Variants in EIF4E3 observed in about 807,000 individuals in gnomAD.
The protein encoded by EIF4E3 is eukaryotic translation initiation factor 4E type 3.
Under a neutral mutation model 31.7 loss-of-function variants are expected in EIF4E3, and 26 were observed. The observed-to-expected ratio is 0.82, with a 90% CI of 0.60 to 1.14. EIF4E3 has a LOEUF of 1.14. Among genes scored for constraint, EIF4E3 ranks in the 50% most tolerant of loss-of-function variants. EIF4E3 has a pLI of 0.00. For synonymous variants in EIF4E3, 128 were observed against 107.7 expected (o/e 1.19, Z -1.17); for missense variants, 304 against 270.9 (o/e 1.12, Z -0.86).
chr3:71,687,635 G>T (rs1451310754), intron 6 of EIF4E3, among the ~76,000 whole-genome samples: 2 of 152,160 alleles, frequency 1.3e-5, no homozygotes, highest in African/African-American at 4.8e-5. Context: ...AGCAGAATTG[G>T]CCAGGGTGGG....
the EIF4E3 span, among the ~76,000 whole-genome samples, chr3:71,660,279 C>T: frequency 2.0e-5 from 3 of 151,658 alleles, no homozygotes; most frequent in East Asian, 5.8e-4. Context: ...GAGCAGGCTG[C>T]GGCTGCAGTT....
chr3:71,687,404 C>A (rs1578333073), intron 6 of EIF4E3, among the ~76,000 whole-genome samples: 1 of 152,214 alleles, frequency 6.6e-6, no homozygotes, highest in Non-Finnish European at 1.5e-5. Context: ...TATTTATGGA[C>A]ACTAAAATTT....
At chr3:71,706,377 C>G (rs1206309453) in intron 2 of EIF4E3, among the ~76,000 whole-genome samples, 3 of 152,086 alleles carry the variant, frequency 2.0e-5, no homozygotes, top group Non-Finnish European at 4.4e-5. Context: ...TGCTAAAGGG[C>G]CTCAAAGTAT....
chr3:71,682,958 A>C lies in EIF4E3; in HGVS notation c.*1724T>G, dbSNP rs2048941140. 1 of 152,270 alleles carries C rather than the reference A, an allele frequency of 6.6e-6. No homozygotes were observed. The highest frequency in any genetic ancestry group is 6.5e-5 in the Admixed American group (1 of 15,278). 9.4% of individuals were successfully genotyped at this position (152,270 alleles called of 1,614,324 possible). On this transcript the variant is annotated 3_prime_UTR_variant, in exon 7 of 7. Transcript: ENST00000425534. ...AATTCATGTCCAGAATAATTTTTTA[A>C]AATTCTTGAGTCATAATTTTAAAAC... is the stretch of plus-strand genomic sequence containing the variant.
intron 2 of EIF4E3, among the ~76,000 whole-genome samples, chr3:71,706,836 AT>A (rs2049300161): frequency 1.3e-5 from 2 of 152,238 alleles, no homozygotes; most frequent in South Asian, 4.1e-4. Context: ...AGAAAAAAAA[AT>A]TAATATACAA....
chr3:71,706,702 C>A (rs1322064078), intron 2 of EIF4E3, among the ~76,000 whole-genome samples: 1 of 151,994 alleles, frequency 6.6e-6, no homozygotes, highest in Non-Finnish European at 1.5e-5. Flanking sequence ...TGGCTATAGT[C>A]CCAGATACTT....
the EIF4E3 span, among the ~76,000 whole-genome samples, chr3:71,669,163 A>G: frequency 4.1e-4 from 62 of 150,032 alleles, 1 homozygote; most frequent in East Asian, 0.011. Context: ...ACCAAACACC[A>G]CATGTTCTCA....
intron 1 of EIF4E3, among the ~76,000 whole-genome samples, chr3:71,721,363 T>C (rs1359565905): frequency 1.3e-5 from 2 of 152,166 alleles, no homozygotes; most frequent in Non-Finnish European, 2.9e-5. Context: ...CCAATGGTGG[T>C]AATGCTATGG....
chr3:71,754,772 C>A, upstream of EIF4E3: 1 of 1,310,742 alleles, frequency 7.6e-7, no homozygotes, highest in Non-Finnish European at 9.7e-7. This position sits in a 1 kb window ranked among gnomAD's most constrained non-coding sequence, Gnocchi z 5.8. Flanking sequence ...CGGCCGCCAA[C>A]TGGACGGCGG....
Position 71,677,985 on chromosome 3 carries a change from T to A in EIF4E3, c.*6697A>T, listed in dbSNP as rs2048887106. ...TAAGAGACCCAGATGAGCCCTATTA[T>A]CAAATGTGTTCAACAGGGAAGTGTA... On this transcript the variant is annotated 3_prime_UTR_variant, in exon 7 of 7. Transcript: ENST00000425534. 1.3e-5 allele frequency: 2 copies of A among 152,150 alleles called. No individual in the cohort carries two copies. The allele number at this position is 152,150 out of a possible 1,614,324, so 9.4% of individuals were successfully genotyped here. A position where few individuals can be genotyped will look rare whatever the true frequency, so the allele number is the denominator to read the frequency against.
At chr3:71,726,579 C>G (rs2049642007), upstream of EIF4E3, among the ~76,000 whole-genome samples, 1 of 152,210 alleles carries the variant, frequency 6.6e-6, no homozygotes, top group African/African-American at 2.4e-5. Flanking sequence ...TTCTACCTGG[C>G]CTAGCATGTG....
At position 71,703,811 on chromosome 3, in the gene EIF4E3, CAAAAAA is replaced by C. The variant is rs370789059; in HGVS notation, c.250-4109_250-4104del. Among the ~76,000 whole-genome samples, 181 of 72,420 alleles carry C rather than the reference CAAAAAA, an allele frequency of 2.5e-3. 1 individual carries two copies. Among genetic ancestry groups the C allele is most frequent in the East Asian group, 5.4e-3 (13 of 2,420 alleles). 47.5% of individuals were successfully genotyped at this position (72,420 alleles called of 152,430 possible). A position where few individuals can be genotyped will look rare whatever the true frequency, so the allele number is the denominator to read the frequency against. ...ACAAAACCACCCAGCAAACACACAT[CAAAAAA>C]AAAAAAAAAAAAAAAAAATTCCAGG... On this transcript the variant is annotated intron_variant, in intron 2 of 6. Transcript: ENST00000425534.
chr3:71,707,485 A>G (rs889072067), intron 2 of EIF4E3, among the ~76,000 whole-genome samples: 4 of 152,082 alleles, frequency 2.6e-5, no homozygotes, highest in African/African-American at 9.7e-5. Flanking sequence ...CTTTCACTCT[A>G]CCTTAGCGAG....
intron 1 of EIF4E3, among the ~76,000 whole-genome samples, chr3:71,751,442 C>T (rs562862731): frequency 6.6e-6 from 1 of 152,252 alleles, no homozygotes; most frequent in African/African-American, 2.4e-5. Flanking sequence ...ACGGCAAGTG[C>T]TCAGTAAAAG....
At chr3:71,705,789 T>C (rs2049285266) in intron 2 of EIF4E3, among the ~76,000 whole-genome samples, 1 of 152,156 alleles carries the variant, frequency 6.6e-6, no homozygotes, top group African/African-American at 2.4e-5. Flanking sequence ...TCAAAAGCCG[T>C]GTTCTATTTT....
intron 4 of EIF4E3, among the ~76,000 whole-genome samples, chr3:71,694,326 C>T (rs1306244569): frequency 6.6e-6 from 1 of 152,204 alleles, no homozygotes; most frequent in Non-Finnish European, 1.5e-5. Context: ...TAAAATCTTT[C>T]TCTTCAAAAT....
chr3:71,698,800 G>A (rs995659893), intron 3 of EIF4E3, among the ~76,000 whole-genome samples: 5 of 152,254 alleles, frequency 3.3e-5, no homozygotes, highest in African/African-American at 1.2e-4. Context: ...AATGTAGAAT[G>A]AAGCAGAGTA....
chr3:71,670,974 C>T (rs543316241), downstream of EIF4E3, among the ~76,000 whole-genome samples: 17 of 151,972 alleles, frequency 1.1e-4, no homozygotes, highest in South Asian at 3.3e-3. Flanking sequence ...AACAGCAATC[C>T]CCCAAGCGCG....
At chr3:71,719,826 C>A (rs2049519543) in intron 1 of EIF4E3, among the ~76,000 whole-genome samples, 1 of 151,770 alleles carries the variant, frequency 6.6e-6, no homozygotes, top group Non-Finnish European at 1.5e-5. Context: ...CCGGCCTGGG[C>A]AACACAGTCA....
Sources: gnomAD v4.1 joint callset for allele counts (sites outside exome capture counted in the v4.1 genomes callset) on GRCh38, gnomAD v4.1.1 for gene constraint, Gnocchi (gnomAD v3.1) non-coding constraint, MANE v1.5 for transcripts, NCBI Gene and HGNC (gene_info 2026-07-23, HGNC 2026-07-21) for gene names.